SNRPD2: variants seen among roughly 807,000 people sequenced by gnomAD.
SNRPD2 encodes the protein small nuclear ribonucleoprotein D2 polypeptide.
Under a neutral mutation model 11.5 loss-of-function variants are expected in SNRPD2, and 1 was observed. That is an observed-to-expected ratio of 0.09 (90% CI 0.03 to 0.41). The LOEUF (loss-of-function observed/expected upper bound fraction) is 0.41, where lower values mean the gene tolerates loss of function less well. Ranked by LOEUF, SNRPD2 falls within the 10% of genes least tolerant of loss-of-function variation. The pLI, the probability that SNRPD2 is intolerant of heterozygous loss-of-function variation, is 0.98. For missense variants in SNRPD2, 77 were observed against 154.9 expected (o/e 0.50, Z 2.67); for synonymous variants, 63 against 61.5 (o/e 1.02, Z -0.12).
In SNRPD2 at chr19:45,688,329, G is replaced by T; in HGVS notation, c.182+58C>A. 2.1e-6 allele frequency: 3 copies of T among 1,459,234 alleles called. No homozygotes were observed. The highest frequency in any genetic ancestry group is 1.9e-6 in the Non-Finnish European group (2 of 1,047,246). 90.4% of individuals were successfully genotyped at this position (1,459,234 alleles called of 1,614,324 possible). A position where few individuals can be genotyped will look rare whatever the true frequency, so the allele number is the denominator to read the frequency against. ...CAGCTGTCTTTGAGCTCTTCAGACT[G>T]GAGCTGGAGTGGCCTCTCCAGGCCT... On this transcript the variant is annotated intron_variant, in intron 2 of 2. Coordinates refer to ENST00000342669, the MANE Select transcript of SNRPD2 (RefSeq NM_001384647.1). The surrounding 1 kb of genome is among the most constrained non-coding windows in gnomAD (Gnocchi z 4.1).
chr19:45,688,397 C>T lies in SNRPD2; in HGVS notation c.172G>A (p.Ala58Thr), dbSNP rs773883883. The T allele has an allele frequency of 6.2e-7, 1 of 1,614,164 alleles. No homozygotes were observed. ...GGACCCAGCACTCACCTATCGAAGG[C>T]CTTCACGCGGCCCAGGAGTTTCTTA... ...NNKKLLGRVKAFDRHCNMVLE... is the reference protein window; with the variant it reads ...NNKKLLGRVKTFDRHCNMVLE... Residue 58 changes from alanine to threonine, a missense_variant, in exon 2 of 3, where the codon GCC (alanine) becomes ACC (threonine). By Grantham distance (58) the Ala-to-Thr change is moderately conservative. Transcript: ENST00000342669. The surrounding 1 kb of genome is among the most constrained non-coding windows in gnomAD (Gnocchi z 4.1).
chr19:45,688,485 T>A lies in SNRPD2; in HGVS notation c.84A>T (p.Pro28=). 1.2e-6 allele frequency: 2 copies of A among 1,613,994 alleles called. No homozygotes were observed. The highest frequency in any genetic ancestry group is 1.7e-6 in the Non-Finnish European group (2 of 1,179,888). ...TGACTGACTGTGTGAGCACAGAGAG[T>A]GGACCGGTGTTAAATTCCTCCTCCT... is the stretch of plus-strand genomic sequence containing the variant. ...KREEEEFNTG[P]LSVLTQSVKN... The change falls in exon 2 of 3, where the codon CCA becomes CCT. Residue 28 remains proline (P), a synonymous_variant. Transcript: ENST00000342669. This position sits in a 1 kb window ranked among gnomAD's most constrained non-coding sequence, Gnocchi z 4.1.
In SNRPD2 at chr19:45,691,947, G is replaced by C; in HGVS notation, c.-59C>G. The C allele has an allele frequency of 1.2e-6, 2 of 1,613,914 alleles. No individual in the cohort carries two copies. Among genetic ancestry groups the C allele is most frequent in the Admixed American group, 3.3e-5 (2 of 60,012 alleles). On this transcript the variant is annotated 5_prime_UTR_variant, in exon 1 of 3. Coordinates refer to ENST00000342669, the MANE Select transcript of SNRPD2 (RefSeq NM_001384647.1). ...CCTCCGCGTTGCTGCTGCCTGAGGA[G>C]AGAGAGGCGGGACTTCCTCTTCCTG...
rs556576797 is a variant in SNRPD2 at position 45,688,785 on chromosome 19, C to T, written c.3-219G>A. Among the ~76,000 whole-genome samples the T allele has an allele frequency of 8.7e-4, 131 of 151,336 alleles. 1 individual carries two copies. The highest frequency in any genetic ancestry group is 2.9e-3 in the African/African-American group (121 of 41,196). On this transcript the variant is annotated intron_variant, in intron 1 of 2. Transcript: ENST00000342669. The surrounding 1 kb of genome is among the most constrained non-coding windows in gnomAD (Gnocchi z 4.1). ...TCTTGATCTGTTGCCCAGGCTGGAG[C>T]GCAGTGATGTGATCTCGGCTCACTG...
chr19:45,689,344 A>G, intron 1 of SNRPD2: 1 of 513,436 alleles, frequency 1.9e-6, no homozygotes, highest in Non-Finnish European at 3.9e-6. Flanking sequence ...GGTTGTGCTA[A>G]AACCTAAATC....
Position 45,691,877 on chromosome 19 carries a change from C to T in SNRPD2, c.2+10G>A. 1 of 1,614,152 alleles carries T rather than the reference C, an allele frequency of 6.2e-7. No individual in the cohort carries two copies. The highest frequency in any genetic ancestry group is 8.5e-7 in the Non-Finnish European group (1 of 1,180,008). On this transcript the variant is annotated intron_variant, in intron 1 of 2. Transcript: ENST00000342669. ...CTCATTCCCGCCGCCTAAGCCTAGCCCGGCCTCACATGATGGTCACTACGC... is the reference window on the plus strand; with the variant it reads ...CTCATTCCCGCCGCCTAAGCCTAGCTCGGCCTCACATGATGGTCACTACGC...
chr19:45,687,678 G>A lies in SNRPD2; in HGVS notation c.232C>T (p.Pro78Ser), dbSNP rs750112739. ...ENVKEMWTEV[P>S]KSGKGKKKSK... ...TTCTTCTTGCCCTTGCCACTCTTGG[G>A]TACCTCAGTCCACATCTCCTTCACG... Residue 78 changes from proline to serine, a missense_variant, in exon 3 of 3, where the codon CCC becomes TCC. Pro to Ser is a moderately conservative substitution (Grantham distance 74, BLOSUM62 -1). Transcript: ENST00000342669. The surrounding 1 kb of genome is among the most constrained non-coding windows in gnomAD (Gnocchi z 4.1). The A allele has an allele frequency of 1.9e-6, 3 of 1,613,896 alleles. No individual in the cohort carries two copies. The highest frequency in any genetic ancestry group is 1.3e-5 in the African/African-American group (1 of 74,914).
chr19:45,688,616 G>A lies in SNRPD2; in HGVS notation c.3-50C>T. The stretch of plus-strand genomic sequence containing the variant: ...TAAGTGAGAGAGGCTGGAGTTGAGA[G>A]GCTGGAGCTGTGAGGATGGGTGATC... On this transcript the variant is annotated intron_variant, in intron 1 of 2. Transcript: ENST00000342669. This position sits in a 1 kb window ranked among gnomAD's most constrained non-coding sequence, Gnocchi z 4.1. The A allele has an allele frequency of 1.3e-6, 2 of 1,490,380 alleles. No individual in the cohort carries two copies. The highest frequency in any genetic ancestry group is 9.3e-7 in the Non-Finnish European group (1 of 1,070,102). The allele number at this position is 1,490,380 out of a possible 1,614,324, so 92.3% of individuals were successfully genotyped here. A position where few individuals can be genotyped will look rare whatever the true frequency, so the allele number is the denominator to read the frequency against.
intron 1 of SNRPD2, chr19:45,691,283 A>C (rs1020149211): frequency 3.3e-5 from 5 of 152,490 alleles, no homozygotes; most frequent in African/African-American, 1.2e-4. Context: ...GGCGCCCGCC[A>C]CTACGGCCGG....
upstream of SNRPD2, chr19:45,692,110 A>C (rs1361888866): frequency 2.6e-6 from 3 of 1,141,788 alleles, no homozygotes; most frequent in South Asian, 4.6e-5. Context: ...TCAGAACCAC[A>C]CGGGGGCAGA....
At chr19:45,691,796 C>A (rs966745880) in intron 1 of SNRPD2, 91 bp downstream of exon 1, 4 of 1,498,406 alleles carry the variant, frequency 2.7e-6, no homozygotes, top group Non-Finnish European at 3.7e-6. Flanking sequence ...TGCCCCTGCC[C>A]CCCCCGCTCT....
chr19:45,688,653 T>C lies in SNRPD2; in HGVS notation c.3-87A>G. ...GAGGATGGGTGATCAGGGCCTTGGC[T>C]TCAGTGTCTCCCCAACCTTGTCCCA... On this transcript the variant is annotated intron_variant, in intron 1 of 2. Coordinates refer to ENST00000342669, the MANE Select transcript of SNRPD2 (RefSeq NM_001384647.1). The surrounding 1 kb of genome is among the most constrained non-coding windows in gnomAD (Gnocchi z 4.1). 1 of 1,008,486 alleles carries C rather than the reference T, an allele frequency of 9.9e-7. No homozygotes were observed. The highest frequency in any genetic ancestry group is 1.5e-6 in the Non-Finnish European group (1 of 647,484). The allele number at this position is 1,008,486 out of a possible 1,614,324, so 62.5% of individuals were successfully genotyped here.
Position 45,691,697 on chromosome 19 carries a change from C to G in SNRPD2, c.2+190G>C, listed in dbSNP as rs1967560529. 22 of 732,852 alleles carry G rather than the reference C, an allele frequency of 3.0e-5. No homozygotes were observed. The South Asian group carries it at 3.1e-4, about 10-fold the overall frequency. 45.4% of individuals were successfully genotyped at this position (732,852 alleles called of 1,614,324 possible). The stretch of plus-strand genomic sequence containing the variant: ...AGGGCGTTATCTGATAAAGCTGTCC[C>G]CTCTCCCGAAGTCACGATGCGTCAA... On this transcript the variant is annotated intron_variant, in intron 1 of 2. Coordinates refer to ENST00000342669, the MANE Select transcript of SNRPD2 (RefSeq NM_001384647.1).
rs780731888 is a variant in SNRPD2 at position 45,691,925 on chromosome 19, C to T, written c.-37G>A. On this transcript the variant is annotated 5_prime_UTR_variant, in exon 1 of 3. Transcript: ENST00000342669. ...CGCTCTCCGTTCACTCCCGTTTCCT[C>T]CGCGTTGCTGCTGCCTGAGGAGAGA... The T allele has an allele frequency of 1.2e-6, 2 of 1,614,164 alleles. No homozygotes were observed. Among genetic ancestry groups the T allele is most frequent in the Non-Finnish European group, 1.7e-6 (2 of 1,179,980 alleles).
rs1398766086 is a variant in SNRPD2 at position 45,688,131 on chromosome 19, C to T, written c.182+256G>A. Among the ~76,000 whole-genome samples, 2 of 152,154 alleles carry T rather than the reference C, an allele frequency of 1.3e-5. No homozygotes were observed. The highest frequency in any genetic ancestry group is 4.8e-5 in the African/African-American group (2 of 41,442). On this transcript the variant is annotated intron_variant, in intron 2 of 2. Coordinates refer to ENST00000342669, the MANE Select transcript of SNRPD2 (RefSeq NM_001384647.1). The surrounding 1 kb of genome is among the most constrained non-coding windows in gnomAD (Gnocchi z 4.1). Reference sequence around the variant, plus strand: ...CCACCTGAGTAGCTGTGAATACAGGCGTGCACCACCACGCCTGGCTTTTAT... The same window carrying T: ...CCACCTGAGTAGCTGTGAATACAGGTGTGCACCACCACGCCTGGCTTTTAT...
In SNRPD2 at chr19:45,691,951, G is replaced by A; in HGVS notation, c.-63C>T. On this transcript the variant is annotated 5_prime_UTR_variant, in exon 1 of 3. Coordinates refer to ENST00000342669, the MANE Select transcript of SNRPD2 (RefSeq NM_001384647.1). The stretch of plus-strand genomic sequence containing the variant: ...CGCGTTGCTGCTGCCTGAGGAGAGA[G>A]AGGCGGGACTTCCTCTTCCTGCGAC... 2 of 1,613,906 alleles carry A rather than the reference G, an allele frequency of 1.2e-6. No individual in the cohort carries two copies. The highest frequency in any genetic ancestry group is 1.3e-5 in the African/African-American group (1 of 75,068).
chr19:45,691,797 C>T (rs1422976680), intron 1 of SNRPD2, 90 bp downstream of exon 1: 10 of 1,511,354 alleles, frequency 6.6e-6, no homozygotes, highest in Non-Finnish European at 9.2e-6. Context: ...GCCCCTGCCC[C>T]CCCCGCTCTG....
At chr19:45,691,536 A>ATTTT (rs5828244) in intron 1 of SNRPD2, 12 of 185,924 alleles carry the variant, frequency 6.5e-5, no homozygotes, top group South Asian at 1.1e-4. Flanking sequence ...TCATAATTAA[A>ATTTT]TTTTTTTTTT....
In SNRPD2 at chr19:45,687,653, T is replaced by G. The variant is rs1967445583; in HGVS notation, c.257A>C (p.Lys86Thr). ...GCGGTCTTTGTTGACTGGCTTGGACTTCTTCTTGCCCTTGCCACTCTTGGG... is the reference window on the plus strand; with the variant it reads ...GCGGTCTTTGTTGACTGGCTTGGACGTCTTCTTGCCCTTGCCACTCTTGGG... ...EVPKSGKGKK[K>T]SKPVNKDRYI... The change falls in exon 3 of 3, where the codon AAG becomes ACG. Residue 86 changes from lysine to threonine, a missense_variant. Lys to Thr is a moderately conservative substitution (Grantham distance 78). Coordinates refer to ENST00000342669, the MANE Select transcript of SNRPD2 (RefSeq NM_001384647.1). The surrounding 1 kb of genome is among the most constrained non-coding windows in gnomAD (Gnocchi z 4.1). 1.9e-6 allele frequency: 3 copies of G among 1,613,664 alleles called. No individual in the cohort carries two copies. The highest frequency in any genetic ancestry group is 2.5e-6 in the Non-Finnish European group (3 of 1,179,682).
Sources: allele counts gnomAD v4.1 joint callset (sites outside exome capture counted in the v4.1 genomes callset), GRCh38; gene constraint gnomAD v4.1.1; non-coding constraint Gnocchi (gnomAD v3.1); transcripts MANE v1.5; gene names NCBI Gene and HGNC (gene_info 2026-07-23, HGNC 2026-07-21).